The following GSDME variants were observed in gnomAD, a reference collection of about 807,000 sequenced individuals.
The protein encoded by GSDME is gasdermin E, also known as gasdermin-E.
In GSDME, 44 loss-of-function variants were observed where a neutral mutation model predicts 47.5. That is an observed-to-expected ratio of 0.93 (90% CI 0.73 to 1.19). The LOEUF (loss-of-function observed/expected upper bound fraction) is 1.19. Among genes scored for constraint, GSDME ranks in the 50% most tolerant of loss-of-function variants. GSDME has a pLI of 0.00. For missense variants in GSDME, 663 were observed against 604.2 expected (o/e 1.10, Z -1.02); for synonymous variants, 258 against 252.8 (o/e 1.02, Z -0.20).
In GSDME at chr7:24,740,300, G is replaced by A. The variant is rs531285302; in HGVS notation, c.404+4262C>T. On this transcript the variant is annotated intron_variant, in intron 3 of 9. Transcript: ENST00000645220. ...AGGCTGGGAAGGGTAGTGGGAGAGT[G>A]GTAGGGGGATGCGAGGATAGTTAAT... Among the ~76,000 whole-genome samples the A allele has an allele frequency of 9.0e-4, 137 of 152,044 alleles. 1 individual carries two copies. The highest frequency in any genetic ancestry group is 3.2e-3 in the African/African-American group (131 of 41,482).
At position 24,699,109 on chromosome 7, in the gene GSDME, T is replaced by C; in HGVS notation, c.1408A>G (p.Ile470Val). 6.2e-7 allele frequency: 1 copy of C among 1,614,152 alleles called. No homozygotes were observed. The highest frequency in any genetic ancestry group is 8.5e-7 in the Non-Finnish European group (1 of 1,180,010). Residue 470 changes from isoleucine (I) to valine (V), a missense_variant, in exon 10 of 10, where the codon ATT becomes GTT. Physicochemically the swap from Ile to Val is conservative, Grantham distance 29 (BLOSUM62 3). Transcript: ENST00000645220. ...GGGAAGACTTTAGAGTCCTTCAGAA[T>C]GACAGCTTTCACAGATGACTTCAGT... The part of the protein sequence containing the change: ...ERLKSSVKAV[I>V]LKDSKVFPLL...
At chr7:24,759,775 G>C (rs1426947088), upstream of GSDME, among the ~76,000 whole-genome samples, 1 of 152,176 alleles carries the variant, frequency 6.6e-6, no homozygotes, top group African/African-American at 2.4e-5. Context: ...TGTTGGGAGA[G>C]AGGGATGACT....
the GSDME span, among the ~76,000 whole-genome samples, chr7:24,791,569 A>C: frequency 1.3e-5 from 2 of 152,248 alleles, no homozygotes; most frequent in Non-Finnish European, 2.9e-5. The surrounding 1 kb of genome is among the most constrained non-coding windows in gnomAD (Gnocchi z 4.8). Flanking sequence ...ATGCACAGCC[A>C]GTACGACTGC....
the GSDME span, among the ~76,000 whole-genome samples, chr7:24,768,737 T>A: frequency 2.0e-5 from 3 of 152,232 alleles, no homozygotes; most frequent in Non-Finnish European, 2.9e-5. This position sits in a 1 kb window ranked among gnomAD's most constrained non-coding sequence, Gnocchi z 5.6. Flanking sequence ...AGCACCACCT[T>A]AAAGCAATCT....
Position 24,725,484 on chromosome 7 carries a change from C to T in GSDME, c.405-6266G>A, listed in dbSNP as rs1289252708. ...AAGTTAAACAAGGAAGGGGTTTATT[C>T]GGCCGGGAGCGTCGGCAAGACTCCT... On this transcript the variant is annotated intron_variant, in intron 3 of 9. Transcript: ENST00000645220. The surrounding 1 kb of genome is among the most constrained non-coding windows in gnomAD (Gnocchi z 5.1). 1.3e-5 allele frequency among the ~76,000 whole-genome samples: 2 copies of T among 152,210 alleles called. No individual in the cohort carries two copies. The highest frequency in any genetic ancestry group is 1.9e-4 in the East Asian group (1 of 5,164).
chr7:24,720,360 G>A (rs1243024996), intron 3 of GSDME, among the ~76,000 whole-genome samples: 1 of 152,152 alleles, frequency 6.6e-6, no homozygotes, highest in Admixed American at 6.5e-5. Context: ...TATCCATGCT[G>A]GTCTTTTTTT....
In GSDME at chr7:24,717,264, G is replaced by GT. The variant is rs777408599; in HGVS notation, c.686dup (p.Asp229GlufsTer23). 1.5e-5 allele frequency: 24 copies of GT among 1,579,772 alleles called. No homozygotes were observed. In the Middle Eastern group the frequency reaches 5.5e-4, roughly 37 times the overall value. On this transcript the variant is annotated frameshift_variant, in exon 5 of 10. Coordinates refer to ENST00000645220, the MANE Select transcript of GSDME (RefSeq NM_001127453.2). LOFTEE classifies it high-confidence loss of function. The stretch of plus-strand genomic sequence containing the variant: ...GGAGGTGGCACTCACCGAACTGGCC[G>GT]TCCAGTTTCACGTATAACTCAATGA...
At chr7:24,701,886 A>AC (rs1005001771) in intron 9 of GSDME, among the ~76,000 whole-genome samples, 5 of 152,248 alleles carry the variant, frequency 3.3e-5, no homozygotes, top group Non-Finnish European at 7.3e-5. Context: ...GCACAAAGGC[A>AC]CCAACCACAT....
At position 24,726,088 on chromosome 7, in the gene GSDME, G is replaced by A. The variant is rs957992260; in HGVS notation, c.405-6870C>T. 1.3e-5 allele frequency among the ~76,000 whole-genome samples: 2 copies of A among 152,132 alleles called. No homozygotes were observed. Among genetic ancestry groups the A allele is most frequent in the Non-Finnish European group, 2.9e-5 (2 of 68,010 alleles). On this transcript the variant is annotated intron_variant, in intron 3 of 9. Transcript: ENST00000645220. This position sits in a 1 kb window ranked among gnomAD's most constrained non-coding sequence, Gnocchi z 5.6. ...GCTCAGAGCCCAGCGTGGTTGCTGG[G>A]GACCAGAGCAGCCCAGCAGGAAGGG...
intron 9 of GSDME, among the ~76,000 whole-genome samples, chr7:24,702,006 T>A (rs1788888215): frequency 6.6e-6 from 1 of 152,218 alleles, no homozygotes; most frequent in South Asian, 2.1e-4. Context: ...GAGATGATCC[T>A]TTGGGCCAAC....
At chr7:24,707,466 T>A in intron 7 of GSDME, 1 of 470,614 alleles carries the variant, frequency 2.1e-6, no homozygotes, top group South Asian at 1.6e-5. Context: ...TATTTCTCTG[T>A]TCTAAATGGA....
chr7:24,761,096 C>G (rs899748548), upstream of GSDME, among the ~76,000 whole-genome samples: 1 of 152,216 alleles, frequency 6.6e-6, no homozygotes, highest in Admixed American at 6.5e-5. This position sits in a 1 kb window ranked among gnomAD's most constrained non-coding sequence, Gnocchi z 4.4. Flanking sequence ...AAACAACAAC[C>G]ACTTTACTAT....
At chr7:24,771,436 A>G in the GSDME span, among the ~76,000 whole-genome samples, 1 of 152,360 alleles carries the variant, frequency 6.6e-6, no homozygotes, top group East Asian at 1.9e-4. The surrounding 1 kb of genome is among the most constrained non-coding windows in gnomAD (Gnocchi z 4.1). Flanking sequence ...GAGTGAAGAT[A>G]AAGAGAGAAA....
chr7:24,749,854 C>T (rs1203600370), intron 1 of GSDME, 61 bp from the exon 2 acceptor site: 2 of 1,075,894 alleles, frequency 1.9e-6, no homozygotes, highest in African/African-American at 3.1e-5. Context: ...GCTTTTTTCC[C>T]TAAAATTACT....
the GSDME span, among the ~76,000 whole-genome samples, chr7:24,769,699 T>A: frequency 6.6e-6 from 1 of 152,140 alleles, no homozygotes. Context: ...TCTCAGTACA[T>A]CATGTTCAGC....
chr7:24,748,678 T>C (rs567608889), intron 2 of GSDME, among the ~76,000 whole-genome samples: 9 of 152,296 alleles, frequency 5.9e-5, no homozygotes, highest in Admixed American at 1.3e-4. Flanking sequence ...CACTCCTCCT[T>C]CTCTTTCTTT....
At chr7:24,730,283 T>G (rs548265092) in intron 3 of GSDME, among the ~76,000 whole-genome samples, 41 of 152,362 alleles carry the variant, frequency 2.7e-4, no homozygotes, top group African/African-American at 9.6e-4. Flanking sequence ...CACATATTTT[T>G]TTCTTTACAT....
intron 3 of GSDME, chr7:24,743,956 G>T (rs569062293): frequency 1.7e-4 from 27 of 156,720 alleles, no homozygotes; most frequent in Middle Eastern, 3.3e-3. Flanking sequence ...TTTGCTCTCT[G>T]CAGCCTCCCC....
At chr7:24,703,916 A>G (rs1468274333) in intron 8 of GSDME, 1 of 152,250 alleles carries the variant, frequency 6.6e-6, no homozygotes, top group Non-Finnish European at 1.5e-5. Flanking sequence ...GTCCCCAGCC[A>G]TCTCATCTGC....
Sources: allele counts gnomAD v4.1 joint callset (sites outside exome capture counted in the v4.1 genomes callset), GRCh38; gene constraint gnomAD v4.1.1; non-coding constraint Gnocchi (gnomAD v3.1); transcripts MANE v1.5; gene names NCBI Gene and HGNC (gene_info 2026-07-23, HGNC 2026-07-21).